The following ANKDD1A variants were observed in gnomAD, a reference collection of about 807,000 sequenced individuals.
The protein encoded by ANKDD1A is ankyrin repeat and death domain-containing protein 1A.
ANKDD1A carries 59 observed loss-of-function variants against 63.5 expected under a neutral mutation model. The observed-to-expected ratio is 0.93, with a 90% CI of 0.75 to 1.15. The LOEUF (loss-of-function observed/expected upper bound fraction) is 1.15. ANKDD1A is among the 50% of genes most tolerant of loss of function. ANKDD1A has a pLI of 0.00. For synonymous variants in ANKDD1A, 266 were observed against 263.9 expected, an observed-to-expected ratio of 1.01 and a Z score of -0.08; for missense variants, 632 against 656.4, an observed-to-expected ratio of 0.96 and a Z score of 0.41.
At chr15:64,919,369 C>G (rs945374966) in intron 3 of ANKDD1A, among the ~76,000 whole-genome samples, 1 of 152,238 alleles carries the variant, frequency 6.6e-6, no homozygotes, top group Non-Finnish European at 1.5e-5. Context: ...AGGTGCTGAG[C>G]TCTGAACCAG....
chr15:64,944,874 AC>A, intron 12 of ANKDD1A, 127 bp downstream of exon 12: 1 of 825,862 alleles, frequency 1.2e-6, no homozygotes. Context: ...GGTGATAATC[AC>A]CACCTTGTAT....
intron 14 of ANKDD1A, among the ~76,000 whole-genome samples, chr15:64,953,777 T>TTC (rs1595860542): frequency 3.7e-4 from 8 of 21,790 alleles, no homozygotes; most frequent in East Asian, 0.024. Flanking sequence ...CTCTTCCCTC[T>TTC]TTTCTTTCTT....
chr15:64,931,729 C>T, intron 8 of ANKDD1A, 144 bp downstream of exon 8: 1 of 831,974 alleles, frequency 1.2e-6, no homozygotes, highest in South Asian at 1.6e-5. Flanking sequence ...GGCTTCTCCA[C>T]TGCTGAGCCC....
At chr15:64,937,423 G>C (rs995800118) in intron 9 of ANKDD1A, among the ~76,000 whole-genome samples, 20 of 152,114 alleles carry the variant, frequency 1.3e-4, no homozygotes, top group African/African-American at 4.3e-4. Flanking sequence ...GGAATACTAT[G>C]TAACTATAAA....
chr15:64,951,452 CTT>C (rs869169155), intron 14 of ANKDD1A: 6,588 of 49,918 alleles, frequency 0.13, 580 homozygotes, highest in South Asian at 0.35. Flanking sequence ...TCTTCCCTTT[CTT>C]TTCTTTTCTC....
Position 64,953,055 on chromosome 15 carries a change from T to C in ANKDD1A, c.1483+3083T>C, listed in dbSNP as rs1200194952. The stretch of plus-strand genomic sequence containing the variant: ...TTCTTCCTTTCTTCTTTCCTCTCTT[T>C]TTTCTTCCTCTTTCCTTCTTTCTTC... On this transcript the variant is annotated intron_variant, in intron 14 of 14. Transcript: ENST00000319580. Among the ~76,000 whole-genome samples the C allele has an allele frequency of 1.7e-4, 26 of 149,842 alleles. 1 individual carries two copies. Among genetic ancestry groups the C allele is most frequent in the African/African-American group, 5.2e-4 (21 of 40,626 alleles).
At chr15:64,930,042 A>G (rs768602262) in intron 6 of ANKDD1A, among the ~76,000 whole-genome samples, 25 of 152,098 alleles carry the variant, frequency 1.6e-4, no homozygotes, top group Non-Finnish European at 3.4e-4. Context: ...GGAGCTGAAC[A>G]ATGAGAACCA....
chr15:64,953,116 TTTC>T (rs1229157052), intron 14 of ANKDD1A, among the ~76,000 whole-genome samples: 18 of 145,418 alleles, frequency 1.2e-4, no homozygotes, highest in Admixed American at 2.1e-4. Context: ...TTTCTTCCGC[TTTC>T]TACTTTCTTC....
Position 64,957,310 on chromosome 15 carries a change from C to A in ANKDD1A, c.*122C>A. On this transcript the variant is annotated 3_prime_UTR_variant, in exon 15 of 15. Transcript: ENST00000319580. Reference sequence around the variant, plus strand: ...ATAATTTCACAATTATTCCTTTTTCCACCTTAAATAATAAGAGTAGAATAC... The same window carrying A: ...ATAATTTCACAATTATTCCTTTTTCAACCTTAAATAATAAGAGTAGAATAC... 1 of 283,484 alleles carries A rather than the reference C, an allele frequency of 3.5e-6. No individual in the cohort carries two copies. The allele number at this position is 283,484 out of a possible 1,614,324, so 17.6% of individuals were successfully genotyped here.
intron 11 of ANKDD1A, chr15:64,943,902 CA>C: frequency 5.8e-6 from 2 of 345,442 alleles, no homozygotes; most frequent in South Asian, 6.8e-5. Context: ...ACGAATACCA[CA>C]GTACTGCCCA....
intron 9 of ANKDD1A, among the ~76,000 whole-genome samples, chr15:64,938,680 A>T (rs900681653): frequency 3.9e-5 from 6 of 152,212 alleles, no homozygotes; most frequent in African/African-American, 1.4e-4. Context: ...GGCCAGACGC[A>T]GTGGCTCATG....
At chr15:64,942,077 A>G (rs2085188632) in intron 9 of ANKDD1A, among the ~76,000 whole-genome samples, 2 of 152,126 alleles carry the variant, frequency 1.3e-5, no homozygotes, top group African/African-American at 4.8e-5. Flanking sequence ...CACCATCCCT[A>G]TATACTTCCT....
intron 9 of ANKDD1A, among the ~76,000 whole-genome samples, chr15:64,939,597 G>A (rs1441913524): frequency 6.6e-6 from 1 of 152,160 alleles, no homozygotes; most frequent in Non-Finnish European, 1.5e-5. Flanking sequence ...CTGCATGACA[G>A]ATCAAGACCT....
intron 8 of ANKDD1A, chr15:64,932,668 TTAA>T (rs1400141016): frequency 1.9e-4 from 29 of 152,034 alleles, no homozygotes; most frequent in African/African-American, 4.8e-4. Context: ...AGCAAAAATA[TTAA>T]TAATAAATAA....
chr15:64,916,871 G>A (rs1433349004), intron 2 of ANKDD1A, among the ~76,000 whole-genome samples: 1 of 152,106 alleles, frequency 6.6e-6, no homozygotes, highest in Non-Finnish European at 1.5e-5. Context: ...ATAACGTTAT[G>A]AACTGCCAAG....
chr15:64,941,390 G>A (rs1457179426), intron 9 of ANKDD1A, among the ~76,000 whole-genome samples: 1 of 152,188 alleles, frequency 6.6e-6, no homozygotes, highest in African/African-American at 2.4e-5. Flanking sequence ...AGGCTGGGAA[G>A]TCCTAGAGCA....
intron 12 of ANKDD1A, 62 bp from the exon 13 acceptor site, chr15:64,947,342 G>A (rs1475340114): frequency 2.4e-5 from 37 of 1,555,358 alleles, no homozygotes; most frequent in East Asian, 1.6e-4. Flanking sequence ...GCCTCGGCTC[G>A]GCACTGCCCC....
At chr15:64,953,280 CCTT>C (rs1232969221) in intron 14 of ANKDD1A, among the ~76,000 whole-genome samples, 4 of 146,228 alleles carry the variant, frequency 2.7e-5, no homozygotes, top group African/African-American at 5.1e-5. Flanking sequence ...CCTCTTCTTT[CCTT>C]CTTCCTTCTT....
At chr15:64,952,065 CCTTTCTT>C (rs1162167188) in intron 14 of ANKDD1A, among the ~76,000 whole-genome samples, 1 of 5,450 alleles carries the variant, frequency 1.8e-4, no homozygotes, top group African/African-American at 2.5e-4. Flanking sequence ...CTTAGTTCTT[CCTTTCTT>C]CTTCTTCCTT....
Sources: allele counts gnomAD v4.1 joint callset (sites outside exome capture counted in the v4.1 genomes callset), GRCh38; gene constraint gnomAD v4.1.1; transcripts MANE v1.5; gene names NCBI Gene and HGNC (gene_info 2026-07-23, HGNC 2026-07-21).